The following CDH26 variants were observed in gnomAD, a reference collection of about 807,000 sequenced individuals.
CDH26 encodes cadherin-like protein 26.
Under a neutral mutation model 90.3 loss-of-function variants are expected in CDH26, and 83 were observed. That is an observed-to-expected ratio of 0.92 (90% CI 0.77 to 1.10). The LOEUF is 1.10. CDH26 is among the 50% of genes least tolerant of loss of function. The pLI is 0.00. For synonymous variants in CDH26, 397 were observed against 396.3 expected, an observed-to-expected ratio of 1.00 and a Z score of -0.02; for missense variants, 1,013 against 1,037.6, an observed-to-expected ratio of 0.98 and a Z score of 0.33.
chr20:59,985,185 C>T, intron 7 of CDH26, 56 bp downstream of exon 7: 2 of 1,599,528 alleles, frequency 1.3e-6, no homozygotes, highest in Middle Eastern at 1.9e-4. Context: ...GCCCTTGGGT[C>T]CTAGGCTCAG....
In CDH26 at chr20:60,028,491, G is replaced by A. The variant is rs567586339; in HGVS notation, c.948-2740G>A. The stretch of plus-strand genomic sequence containing the variant: ...GCAATCCAAATAAAAAAGCATTTAC[G>A]TGCCAGTCCCTGTGATGCAGAGGGG... On this transcript the variant is annotated intron_variant, in intron 7 of 8. Coordinates refer to the CDH26 transcript ENST00000370991. Among the ~76,000 whole-genome samples, 5 of 152,260 alleles carry A rather than the reference G, an allele frequency of 3.3e-5. 1 individual carries two copies. The South Asian group carries it at 8.3e-4, about 25-fold the overall frequency.
Position 59,995,864 on chromosome 20 carries a change from C to G in CDH26, c.1698C>G (p.Ser566Arg), listed in dbSNP as rs770765485. 4 of 1,614,094 alleles carry G rather than the reference C, an allele frequency of 2.5e-6. No homozygotes were observed. In the South Asian group the frequency reaches 3.3e-5, roughly 13 times the overall value. The change falls in exon 12 of 18, where the codon AGC (serine) becomes AGG (arginine). Residue 566 changes from serine to arginine, a missense_variant. Transcript: ENST00000348616. ...GQSVELLTLRSLPRGNYLVPL... is the reference protein window; with the variant it reads ...GQSVELLTLRRLPRGNYLVPL... ...CAGTTGAACTTTTAACCTTGAGAAG[C>G]CTGCCACGTGGTAATTACTTGGTGC...
At chr20:60,007,045 C>T (rs2061763769) in intron 17 of CDH26, among the ~76,000 whole-genome samples, 1 of 152,158 alleles carries the variant, frequency 6.6e-6, no homozygotes, top group Non-Finnish European at 1.5e-5. Flanking sequence ...TGGCAGATGG[C>T]CACTTTCCCG....
chr20:59,976,725 G>T (rs1055536195), intron 4 of CDH26, among the ~76,000 whole-genome samples: 4 of 152,302 alleles, frequency 2.6e-5, no homozygotes, highest in African/African-American at 9.6e-5. Flanking sequence ...TGCTGTGGGG[G>T]AGGAGGAGCA....
chr20:59,983,028 G>C lies in CDH26; in HGVS notation c.499G>C (p.Glu167Gln). The change falls in exon 5 of 18, where the codon GAG (glutamate) becomes CAG (glutamine). Residue 167 changes from glutamate (E) to glutamine (Q), a missense_variant. Glu to Gln is a conservative substitution (Grantham distance 29, BLOSUM62 2). Coordinates refer to ENST00000348616, the MANE Select transcript of CDH26 (RefSeq NM_177980.4). Reference protein sequence around the residue: ...DVNDHAPQFPEKEFNITVQEN... With the variant: ...DVNDHAPQFPQKEFNITVQEN... ...GAATGATCATGCACCCCAGTTTCCA[G>C]AGAAGGAATTTAACATCACTGTGCA... The C allele has an allele frequency of 6.2e-7, 1 of 1,614,096 alleles. No individual in the cohort carries two copies. The highest frequency in any genetic ancestry group is 1.1e-5 in the South Asian group (1 of 91,054).
At chr20:59,970,261 A>C in intron 3 of CDH26, 75 bp downstream of exon 3, 9 of 1,568,396 alleles carry the variant, frequency 5.7e-6, no homozygotes, top group Non-Finnish European at 7.8e-6. Flanking sequence ...AGGAAGATTA[A>C]GTCTTGAAAG....
At position 59,988,916 on chromosome 20, in the gene CDH26, G is replaced by C. The variant is rs965627362; in HGVS notation, c.1036G>C (p.Glu346Gln). 2 of 1,613,926 alleles carry C rather than the reference G, an allele frequency of 1.2e-6. No individual in the cohort carries two copies. The highest frequency in any genetic ancestry group is 2.2e-5 in the South Asian group (2 of 91,064). Residue 346 changes from glutamate (E) to glutamine (Q), a missense_variant, in exon 9 of 18, where the codon GAG (glutamate) becomes CAG (glutamine). Coordinates refer to ENST00000348616, the MANE Select transcript of CDH26 (RefSeq NM_177980.4). The stretch of plus-strand genomic sequence containing the variant: ...TCTGGGGTTCCAGCCTTTGGATTAT[G>C]AGACTCGCCCAGCGCAAAGCCTCAT... ...ILNVIKPLDY[E>Q]TRPAQSLIIV... is the part of the protein sequence containing the mutation.
chr20:59,994,190 A>G, intron 10 of CDH26, 60 bp from the exon 11 acceptor site: 1 of 1,593,628 alleles, frequency 6.3e-7, no homozygotes, highest in East Asian at 2.2e-5. Flanking sequence ...GAGAGTGCTC[A>G]TTCTCCAGAG....
Position 60,012,881 on chromosome 20 carries a change from C to T in CDH26, c.*151C>T. On this transcript the variant is annotated 3_prime_UTR_variant, in exon 18 of 18. Transcript: ENST00000348616. ...ACACACTATTAGTTTGAATTAAATGCTTTGATATTCTCAGATCAGCCATCT... is the reference window on the plus strand; with the variant it reads ...ACACACTATTAGTTTGAATTAAATGTTTTGATATTCTCAGATCAGCCATCT... The T allele has an allele frequency of 1.5e-6, 1 of 655,626 alleles. No individual in the cohort carries two copies. Among genetic ancestry groups the T allele is most frequent in the Non-Finnish European group, 2.5e-6 (1 of 396,862 alleles). The allele number at this position is 655,626 out of a possible 1,614,324, so 40.6% of individuals were successfully genotyped here.
chr20:59,982,804 C>A, intron 4 of CDH26, 119 bp from the exon 5 acceptor site: 1 of 1,194,602 alleles, frequency 8.4e-7, no homozygotes, highest in Non-Finnish European at 1.2e-6. Context: ...TCCTGCCCTC[C>A]GGAACTCTCA....
intron 10 of CDH26, among the ~76,000 whole-genome samples, chr20:59,993,710 T>C (rs1359151670): frequency 6.6e-6 from 1 of 152,222 alleles, no homozygotes; most frequent in Non-Finnish European, 1.5e-5. Flanking sequence ...TATGAAGTGA[T>C]GATTGCCACT....
At position 59,996,072 on chromosome 20, in the gene CDH26, G is replaced by A. The variant is rs960707315; in HGVS notation, c.1888+18G>A. 4.4e-6 allele frequency: 7 copies of A among 1,607,050 alleles called. No homozygotes were observed. Among genetic ancestry groups the A allele is most frequent in the East Asian group, 2.2e-5 (1 of 44,824 alleles). On this transcript the variant is annotated intron_variant, in intron 12 of 17. Transcript: ENST00000348616. Reference sequence around the variant, plus strand: ...TCTGGCAGGTCAGTGGTCTGTAGGGGTGTCCTGGGACTGTGGCTCCTCTCC... The same window carrying A: ...TCTGGCAGGTCAGTGGTCTGTAGGGATGTCCTGGGACTGTGGCTCCTCTCC...
chr20:59,960,698 A>T (rs1000477240), intron 1 of CDH26, among the ~76,000 whole-genome samples: 2 of 152,054 alleles, frequency 1.3e-5, no homozygotes, highest in African/African-American at 4.8e-5. Context: ...TCCTTTGAAA[A>T]CCTTTATCTC....
intron 9 of CDH26, among the ~76,000 whole-genome samples, chr20:59,991,801 G>A (rs2061531070): frequency 6.6e-6 from 1 of 152,150 alleles, no homozygotes; most frequent in Admixed American, 6.5e-5. Flanking sequence ...TGGCAACCTG[G>A]CAAGGTTGCA....
downstream of CDH26, among the ~76,000 whole-genome samples, chr20:60,017,173 C>T (rs1460405407): frequency 6.6e-6 from 1 of 151,898 alleles, no homozygotes; most frequent in African/African-American, 2.4e-5. Flanking sequence ...GTGGAATTGT[C>T]TGAGAAAAGT....
chr20:59,999,679 C>T lies in CDH26; in HGVS notation c.2097+16C>T, dbSNP rs1173369837. 4 of 1,613,160 alleles carry T rather than the reference C, an allele frequency of 2.5e-6. No individual in the cohort carries two copies. Among genetic ancestry groups the T allele is most frequent in the Non-Finnish European group, 3.4e-6 (4 of 1,179,230 alleles). The stretch of plus-strand genomic sequence containing the variant: ...GGGAGTTAAGGTAACATGCCCCTTA[C>T]TTGCTTCTGGATTTCAGAGAAGTGA... On this transcript the variant is annotated intron_variant, in intron 14 of 17. Transcript: ENST00000348616.
intron 16 of CDH26, 140 bp from the exon 17 acceptor site, chr20:60,006,573 A>G: frequency 1.6e-6 from 1 of 620,928 alleles, no homozygotes; most frequent in East Asian, 2.8e-5. Context: ...ACGTGAGCAA[A>G]CTACCCTGGG....
In CDH26 at chr20:60,012,826, G is replaced by A. The variant is rs1187597890; in HGVS notation, c.*96G>A. On this transcript the variant is annotated 3_prime_UTR_variant, in exon 18 of 18. Coordinates refer to ENST00000348616, the MANE Select transcript of CDH26 (RefSeq NM_177980.4). Reference sequence around the variant, plus strand: ...TTGCTCTTCTTTTCCCTCCTTAAAAGAAAAATTACCTTCTAGTCCTAGGAT... The same window carrying A: ...TTGCTCTTCTTTTCCCTCCTTAAAAAAAAAATTACCTTCTAGTCCTAGGAT... 4.4e-6 allele frequency: 5 copies of A among 1,147,262 alleles called. No individual in the cohort carries two copies. In the Admixed American group the frequency reaches 9.1e-5, roughly 21 times the overall value. 71.1% of individuals were successfully genotyped at this position (1,147,262 alleles called of 1,614,324 possible). A position where few individuals can be genotyped will look rare whatever the true frequency, so the allele number is the denominator to read the frequency against.
chr20:60,021,012 C>T (rs1396899223), intron 7 of CDH26, among the ~76,000 whole-genome samples: 1 of 152,192 alleles, frequency 6.6e-6, no homozygotes, highest in African/African-American at 2.4e-5. Flanking sequence ...ACACTGCCCT[C>T]CTGGGCTTCT....
Sources: gnomAD v4.1 joint callset for allele counts (sites outside exome capture counted in the v4.1 genomes callset) on GRCh38, gnomAD v4.1.1 for gene constraint, MANE v1.5 for transcripts, NCBI Gene and HGNC (gene_info 2026-07-23, HGNC 2026-07-21) for gene names.